Variants in FGF18 observed in about 807,000 individuals in gnomAD.
FGF18 encodes the protein fibroblast growth factor 18.
In FGF18, 5 loss-of-function variants were observed where a neutral mutation model predicts 23.0. The ratio of observed to expected loss-of-function variants is 0.22; its 90% CI spans 0.11 to 0.46. The LOEUF is 0.46. FGF18 is among the 20% of genes least tolerant of loss of function. The pLI is 0.99. For missense variants in FGF18, 180 were observed against 291.6 expected (o/e 0.62, Z 2.79); for synonymous variants, 117 against 118.9 (o/e 0.98, Z 0.10).
Position 171,438,099 on chromosome 5 carries a change from C to CTT in FGF18, c.250+1842_250+1843dup, listed in dbSNP as rs372013681. Among the ~76,000 whole-genome samples, 283 of 135,660 alleles carry CTT rather than the reference C, an allele frequency of 2.1e-3. 1 individual carries two copies. The highest frequency in any genetic ancestry group is 6.9e-3 in the African/African-American group (254 of 36,704). 89.0% of individuals were successfully genotyped at this position (135,660 alleles called of 152,430 possible). A position where few individuals can be genotyped will look rare whatever the true frequency, so the allele number is the denominator to read the frequency against. Reference sequence around the variant, plus strand: ...ACGCAGTGCTTCTTCTTTTTCTTTTCTTTTTTTTTTTTTTTTTGAGACAGT... The same window carrying CTT: ...ACGCAGTGCTTCTTCTTTTTCTTTTCTTTTTTTTTTTTTTTTTTTGAGACAGT... On this transcript the variant is annotated intron_variant, in intron 3 of 4. Transcript: ENST00000274625.
intron 4 of FGF18, 133 bp downstream of exon 4, chr5:171,449,386 TGTGTGTGTGTGTGTGAGA>T (rs1284337318): frequency 1.8e-5 from 9 of 506,444 alleles, no homozygotes; most frequent in Admixed American, 1.6e-4. Context: ...TGTGTGTGTG[TGTGTGTGTGTGTGTGAGA>T]GAGAGAGAGA....
At chr5:171,421,496 A>T (rs1053623804) in intron 2 of FGF18, among the ~76,000 whole-genome samples, 1 of 152,182 alleles carries the variant, frequency 6.6e-6, no homozygotes, top group African/African-American at 2.4e-5. Context: ...GGATTAGAGA[A>T]GATTCTTAGA....
chr5:171,451,914 C>G lies in FGF18; in HGVS notation c.357+2661C>G, dbSNP rs1034209232. On this transcript the variant is annotated intron_variant, in intron 4 of 4. Transcript: ENST00000274625. This position sits in a 1 kb window ranked among gnomAD's most constrained non-coding sequence, Gnocchi z 4.5. ...CCCCGGAGCCCCACAGTCCCTCGCA[C>G]AGCCCTCTGTTGCCTGTCTGCTAAC... Among the ~76,000 whole-genome samples, 1 of 152,194 alleles carries G rather than the reference C, an allele frequency of 6.6e-6. No individual in the cohort carries two copies. Among genetic ancestry groups the G allele is most frequent in the Admixed American group, 6.5e-5 (1 of 15,288 alleles).
intron 2 of FGF18, among the ~76,000 whole-genome samples, chr5:171,426,674 G>A (rs1772094408): frequency 6.6e-6 from 1 of 152,236 alleles, no homozygotes; most frequent in Admixed American, 6.5e-5. Context: ...TGAATACCTG[G>A]GTTCCAATCC....
At chr5:171,444,179 C>G (rs955071258) in intron 3 of FGF18, among the ~76,000 whole-genome samples, 1 of 152,138 alleles carries the variant, frequency 6.6e-6, no homozygotes, top group African/African-American at 2.4e-5. Context: ...TAACTTCTGC[C>G]CAAAGAAAGT....
chr5:171,425,040 A>G (rs1358044012), intron 2 of FGF18, among the ~76,000 whole-genome samples: 2 of 152,216 alleles, frequency 1.3e-5, no homozygotes, highest in African/African-American at 2.4e-5. Flanking sequence ...AGCTCCAAGG[A>G]CGCACTGGAC....
At chr5:171,448,013 G>A (rs970899334) in intron 3 of FGF18, among the ~76,000 whole-genome samples, 41 of 152,294 alleles carry the variant, frequency 2.7e-4, no homozygotes, top group Admixed American at 2.4e-3. Context: ...AAGAGAGGGC[G>A]CGTGGCCTAC....
At chr5:171,420,386 T>C in intron 1 of FGF18, 21 bp from the exon 2 acceptor site, 1 of 1,613,342 alleles carries the variant, frequency 6.2e-7, no homozygotes, top group Admixed American at 1.7e-5. Flanking sequence ...CACTGACCGC[T>C]TCTCCATCTG....
rs1440659635 is a variant in FGF18 at position 171,420,220 on chromosome 5, C to T, written c.21C>T (p.Ala7=). 1.9e-6 allele frequency: 3 copies of T among 1,564,086 alleles called. No homozygotes were observed. Among genetic ancestry groups the T allele is most frequent in the Admixed American group, 3.7e-5 (2 of 53,344 alleles). The change falls in exon 1 of 5, where the codon GCC becomes GCT. Residue 7 remains alanine, a synonymous_variant. Transcript: ENST00000274625. MYSAPS[A]CTCLCLHFLL... Reference sequence around the variant, plus strand: ...CAGCGATGTATTCAGCGCCCTCCGCCTGCACTTGCCTGTAAGCGCCCGCGC... The same window carrying T: ...CAGCGATGTATTCAGCGCCCTCCGCTTGCACTTGCCTGTAAGCGCCCGCGC...
Position 171,441,020 on chromosome 5 carries a change from G to A in FGF18, c.250+4747G>A, listed in dbSNP as rs541161921. Among the ~76,000 whole-genome samples the A allele has an allele frequency of 2.0e-5, 3 of 152,224 alleles. No homozygotes were observed. The South Asian group carries it at 6.2e-4, about 31-fold the overall frequency. ...CCCCTTTAAATGTGGCTAGAAGGAT[G>A]CATAAAATATGTACAGGGCAACTCA... On this transcript the variant is annotated intron_variant, in intron 3 of 4. Coordinates refer to ENST00000274625, the MANE Select transcript of FGF18 (RefSeq NM_003862.3).
chr5:171,446,275 T>C (rs1440757819), intron 3 of FGF18, among the ~76,000 whole-genome samples: 1 of 152,016 alleles, frequency 6.6e-6, no homozygotes, highest in African/African-American at 2.4e-5. Flanking sequence ...CCCAGGCCCT[T>C]TGGACAGCTC....
intron 4 of FGF18, among the ~76,000 whole-genome samples, chr5:171,454,370 C>T (rs953332133): frequency 3.3e-5 from 5 of 152,132 alleles, no homozygotes; most frequent in African/African-American, 1.2e-4. Context: ...TCAGGTTGCA[C>T]ACACAGCTTC....
At chr5:171,441,643 C>CCCACTAT (rs1772347094) in intron 3 of FGF18, among the ~76,000 whole-genome samples, 1 of 152,174 alleles carries the variant, frequency 6.6e-6, no homozygotes, top group Non-Finnish European at 1.5e-5. Context: ...TATTTAGTTA[C>CCCACTAT]CCACTATCTG....
chr5:171,444,955 C>T lies in FGF18; in HGVS notation c.251-4192C>T, dbSNP rs550894285. Among the ~76,000 whole-genome samples the T allele has an allele frequency of 1.9e-4, 29 of 152,012 alleles. 1 individual carries two copies. The South Asian group carries it at 2.5e-3, about 13-fold the overall frequency. ...AGCTTACTTTCTGCTGGGTGGAGAC[C>T]GACAATAAAAATAAGAGTTTCGGAG... is the stretch of plus-strand genomic sequence containing the variant. On this transcript the variant is annotated intron_variant, in intron 3 of 4. Coordinates refer to ENST00000274625, the MANE Select transcript of FGF18 (RefSeq NM_003862.3).
chr5:171,443,272 G>A (rs1440230599), intron 3 of FGF18, among the ~76,000 whole-genome samples: 2 of 151,740 alleles, frequency 1.3e-5, no homozygotes, highest in Non-Finnish European at 2.9e-5. Context: ...TGGGATTACA[G>A]GCATGTGCCA....
At chr5:171,446,572 GC>G (rs984884417) in intron 3 of FGF18, among the ~76,000 whole-genome samples, 5 of 152,210 alleles carry the variant, frequency 3.3e-5, no homozygotes, top group Non-Finnish European at 7.4e-5. Flanking sequence ...CCAGGCGTGT[GC>G]TGGGAAGGGC....
Position 171,430,616 on chromosome 5 carries a change from G to A in FGF18, c.70-5477G>A, listed in dbSNP as rs1310049085. ...ATCCTGGCTAACAAGGTGAAACCCCGTCTCTACTAAAAATACAAAAAATTA... is the reference window on the plus strand; with the variant it reads ...ATCCTGGCTAACAAGGTGAAACCCCATCTCTACTAAAAATACAAAAAATTA... On this transcript the variant is annotated intron_variant, in intron 2 of 4. Coordinates refer to ENST00000274625, the MANE Select transcript of FGF18 (RefSeq NM_003862.3). 2.2e-4 allele frequency among the ~76,000 whole-genome samples: 33 copies of A among 146,774 alleles called. 3 individuals carry two copies. Among genetic ancestry groups the A allele is most frequent in the African/African-American group, 7.6e-4 (29 of 38,380 alleles).
chr5:171,421,441 G>C (rs1258781542), intron 2 of FGF18, among the ~76,000 whole-genome samples: 1 of 152,196 alleles, frequency 6.6e-6, no homozygotes, highest in Non-Finnish European at 1.5e-5. Flanking sequence ...GTCAAAAGAG[G>C]GTTGTCTGAC....
chr5:171,423,059 C>T (rs965930764), intron 2 of FGF18, among the ~76,000 whole-genome samples: 2 of 152,212 alleles, frequency 1.3e-5, no homozygotes, highest in African/African-American at 4.8e-5. Flanking sequence ...CTGGTCCAGT[C>T]TTAGCGGTGG....
Sources: gnomAD v4.1 joint callset for allele counts (sites outside exome capture counted in the v4.1 genomes callset) on GRCh38, gnomAD v4.1.1 for gene constraint, Gnocchi (gnomAD v3.1) non-coding constraint, MANE v1.5 for transcripts, NCBI Gene and HGNC (gene_info 2026-07-23, HGNC 2026-07-21) for gene names.